Variants in IWS1 observed in about 807,000 individuals in gnomAD.
IWS1 encodes interacts with SUPT6H, CTD assembly factor 1.
In IWS1, 27 loss-of-function variants were observed where a neutral mutation model predicts 86.7. That is an observed-to-expected ratio of 0.31 (90% CI 0.23 to 0.43). IWS1 has a LOEUF of 0.43. Ranked by LOEUF, IWS1 falls within the 20% of genes least tolerant of loss-of-function variation. IWS1 has a pLI of 1.00. For missense variants in IWS1, 827 were observed against 1,000.8 expected, an observed-to-expected ratio of 0.83 and a Z score of 2.34; for synonymous variants, 313 against 335.1, an observed-to-expected ratio of 0.93 and a Z score of 0.72.
chr2:127,519,966 G>A (rs531663981), intron 2 of IWS1, among the ~76,000 whole-genome samples: 2 of 152,270 alleles, frequency 1.3e-5, no homozygotes, highest in African/African-American at 4.8e-5. Context: ...GCAAGGAAAT[G>A]TATCTTCCCT....
intron 2 of IWS1, among the ~76,000 whole-genome samples, chr2:127,509,610 A>G (rs1325968611): frequency 6.9e-6 from 1 of 144,716 alleles, no homozygotes; most frequent in Non-Finnish European, 1.5e-5. Context: ...TGAGAGGCTG[A>G]GGCAGGAGAA....
chr2:127,496,256 G>T, intron 6 of IWS1, 108 bp from the exon 7 acceptor site: 1 of 1,198,302 alleles, frequency 8.3e-7, no homozygotes. Context: ...TCAATGAAGT[G>T]CTACCTTCTT....
At chr2:127,523,587 T>C in intron 2 of IWS1, 89 bp downstream of exon 2, 2 of 845,038 alleles carry the variant, frequency 2.4e-6, no homozygotes, top group Non-Finnish European at 3.8e-6. Context: ...CCCTAAACTC[T>C]GTCACAGAGA....
At chr2:127,515,018 C>T (rs1691693599) in intron 2 of IWS1, 2 of 152,246 alleles carry the variant, frequency 1.3e-5, no homozygotes, top group Admixed American at 6.5e-5. Flanking sequence ...GTTCAATTCT[C>T]CATGTCACTA....
At position 127,526,065 on chromosome 2, in the gene IWS1, G is replaced by T. The variant is rs1244552723; in HGVS notation, c.34+110C>A. ...CTTGCCCTCCTCGGGCCGGGTCGCG[G>T]GAGGGAAGGTTTCGGGGGGCCTCCT... On this transcript the variant is annotated intron_variant, in intron 1 of 13. Transcript: ENST00000295321. 9.4e-6 allele frequency: 10 copies of T among 1,065,586 alleles called. No individual in the cohort carries two copies. In the Middle Eastern group the frequency reaches 8.2e-4, roughly 87 times the overall value. The allele number at this position is 1,065,586 out of a possible 1,614,324, so 66.0% of individuals were successfully genotyped here.
chr2:127,489,667 A>G lies in IWS1; in HGVS notation c.2159+165T>C. ...GTTAGGAGGACAGGACCCTCACTAT[A>G]CACTATCACATTTAAACTAAAAGGA... On this transcript the variant is annotated intron_variant, in intron 11 of 13. Transcript: ENST00000295321. This position sits in a 1 kb window ranked among gnomAD's most constrained non-coding sequence, Gnocchi z 4.8. The G allele has an allele frequency of 4.9e-6, 3 of 616,882 alleles. No individual in the cohort carries two copies. The highest frequency in any genetic ancestry group is 5.3e-4 in the Middle Eastern group (2 of 3,806). 38.2% of individuals were successfully genotyped at this position (616,882 alleles called of 1,614,324 possible). A position where few individuals can be genotyped will look rare whatever the true frequency, so the allele number is the denominator to read the frequency against.
chr2:127,493,498 A>G (rs1222648965), intron 8 of IWS1, 88 bp from the exon 9 acceptor site: 1 of 1,267,360 alleles, frequency 7.9e-7, no homozygotes, highest in African/African-American at 1.5e-5. Context: ...GATGTTTCTA[A>G]AAACTGCTTT....
At position 127,489,124 on chromosome 2, in the gene IWS1, G is replaced by T; in HGVS notation, c.2216+55C>A. ...TTCATTTACTACTTTTCTTAAAGCA[G>T]CAAACGGAAATTCTCTATATAGTCT... On this transcript the variant is annotated intron_variant, in intron 12 of 13. Coordinates refer to ENST00000295321, the MANE Select transcript of IWS1 (RefSeq NM_017969.3). The surrounding 1 kb of genome is among the most constrained non-coding windows in gnomAD (Gnocchi z 4.8). 2 of 1,260,996 alleles carry T rather than the reference G, an allele frequency of 1.6e-6. No homozygotes were observed. The highest frequency in any genetic ancestry group is 2.3e-6 in the Non-Finnish European group (2 of 879,392). The allele number at this position is 1,260,996 out of a possible 1,614,324, so 78.1% of individuals were successfully genotyped here.
At chr2:127,493,904 G>T (rs11888796) in intron 8 of IWS1, among the ~76,000 whole-genome samples, 2,383 of 150,674 alleles carry the variant, frequency 0.016, 63 homozygotes, top group African/African-American at 0.054. Flanking sequence ...AATCAGTTAT[G>T]TTAATAGAAA....
chr2:127,518,870 C>CA (rs1573566150), intron 2 of IWS1, among the ~76,000 whole-genome samples: 1 of 151,992 alleles, frequency 6.6e-6, no homozygotes, highest in Non-Finnish European at 1.5e-5. Context: ...GCACCCGGCC[C>CA]AAGACAGGTG....
In IWS1 at chr2:127,526,330, T is replaced by C; in HGVS notation, c.-122A>G. On this transcript the variant is annotated 5_prime_UTR_variant, in exon 1 of 14. An upstream open reading frame in the 5' UTR loses its in-frame stop. Transcript: ENST00000295321. The stretch of plus-strand genomic sequence containing the variant: ...AGAGACTGCCGCCCGACCGGAGAAC[T>C]TAACGGGTGCGGAGGGTAAGAAAGC... 1.3e-6 allele frequency: 2 copies of C among 1,539,302 alleles called. No individual in the cohort carries two copies. The highest frequency in any genetic ancestry group is 3.9e-5 in the Admixed American group (2 of 51,006).
Position 127,523,692 on chromosome 2 carries a change from A to G in IWS1, c.134T>C (p.Val45Ala). The G allele has an allele frequency of 6.2e-7, 1 of 1,611,998 alleles. No homozygotes were observed. Among genetic ancestry groups the G allele is most frequent in the Non-Finnish European group, 8.5e-7 (1 of 1,178,698 alleles). Residue 45 changes from valine to alanine, a missense_variant, in exon 2 of 14, where the codon GTA (valine) becomes GCA (alanine). Val to Ala is a moderately conservative substitution (Grantham distance 64). This residue lies in a region of IWS1 where 548 missense variants were observed against 560.2 expected (regional missense o/e 0.98). Coordinates refer to ENST00000295321, the MANE Select transcript of IWS1 (RefSeq NM_017969.3). ...AGCCAATACCTCTGAATGACGTTCT[A>G]CACTTCCAGTGTCTGATCCGGAGTG... is the stretch of plus-strand genomic sequence containing the variant. ...EQHSGSDTGSVERHSENETSD... is the reference protein window; with the variant it reads ...EQHSGSDTGSAERHSENETSD...
intron 2 of IWS1, 123 bp downstream of exon 2, chr2:127,523,553 G>T: frequency 1.6e-6 from 1 of 633,754 alleles, no homozygotes; most frequent in Non-Finnish European, 2.8e-6. Context: ...ATTAACTTAT[G>T]CTCCTTTACT....
intron 1 of IWS1, among the ~76,000 whole-genome samples, chr2:127,525,790 C>T (rs1177084850): frequency 6.6e-6 from 1 of 152,246 alleles, no homozygotes; most frequent in Non-Finnish European, 1.5e-5. Flanking sequence ...GATTAAACCA[C>T]TCCTAACTAG....
intron 2 of IWS1, among the ~76,000 whole-genome samples, chr2:127,520,583 A>C (rs916224084): frequency 1.3e-5 from 2 of 152,246 alleles, no homozygotes; most frequent in Non-Finnish European, 2.9e-5. Flanking sequence ...CAGGCAAAAG[A>C]ACATTAATAC....
rs1692421963 is a variant in IWS1 at position 127,526,420 on chromosome 2, T to A, written c.-212A>T. ...GCGGAAAAGGCCGTACCCGGCAGGC[T>A]GGCGGGCGGGCAGGCATGCGAGCCG... On this transcript the variant is annotated 5_prime_UTR_variant, in exon 1 of 14. Coordinates refer to ENST00000295321, the MANE Select transcript of IWS1 (RefSeq NM_017969.3). 2 of 1,536,296 alleles carry A rather than the reference T, an allele frequency of 1.3e-6. No homozygotes were observed. The highest frequency in any genetic ancestry group is 1.7e-6 in the Non-Finnish European group (2 of 1,145,142).
In IWS1 at chr2:127,488,016, T is replaced by C. The variant is rs1447698243; in HGVS notation, c.2216+1163A>G. On this transcript the variant is annotated intron_variant, in intron 12 of 13. Coordinates refer to ENST00000295321, the MANE Select transcript of IWS1 (RefSeq NM_017969.3). ...CCCTATTCTCTTCTTGCAATCGGGA[T>C]GCTGCCTGACTACCAACACACCTGC... 2.0e-5 allele frequency: 3 copies of C among 152,556 alleles called. No homozygotes were observed. The East Asian group carries it at 5.8e-4, about 29-fold the overall frequency. 9.5% of individuals were successfully genotyped at this position (152,556 alleles called of 1,614,324 possible). A position where few individuals can be genotyped will look rare whatever the true frequency, so the allele number is the denominator to read the frequency against.
At chr2:127,482,647 CCTCA>C (rs1332717025) in intron 13 of IWS1, 2 of 152,382 alleles carry the variant, frequency 1.3e-5, no homozygotes, top group East Asian at 1.9e-4. Flanking sequence ...CTCCCAGGAC[CCTCA>C]CTAACTGTCT....
At chr2:127,486,476 G>A in intron 13 of IWS1, 77 bp downstream of exon 13, 2 of 1,038,642 alleles carry the variant, frequency 1.9e-6, no homozygotes, top group Admixed American at 1.8e-5. Context: ...AGCTACAAGG[G>A]TTATTAACAC....
Sources: allele counts gnomAD v4.1 joint callset (sites outside exome capture counted in the v4.1 genomes callset), GRCh38; gene constraint gnomAD v4.1.1; regional missense constraint gnomAD v4.1.1; non-coding constraint Gnocchi (gnomAD v3.1); transcripts MANE v1.5; gene names NCBI Gene and HGNC (gene_info 2026-07-23, HGNC 2026-07-21).